The following ANK3 variants were observed in gnomAD, a reference collection of about 807,000 sequenced individuals.
The protein encoded by ANK3 is ankyrin-3.
ANK3 carries 57 observed loss-of-function variants against 370.9 expected under a neutral mutation model. The observed-to-expected ratio is 0.15, with a 90% CI of 0.12 to 0.19. The LOEUF is 0.19. Among genes scored for constraint, ANK3 ranks in the 10% least tolerant of loss-of-function variants. ANK3 has a pLI of 1.00. For synonymous variants in ANK3, 1,929 were observed against 1,946.3 expected (o/e 0.99, Z 0.23); for missense variants, 4,439 against 5,302.1 (o/e 0.84, Z 5.06).
At chr10:60,384,072 C>G (rs1274223657) in intron 1 of ANK3, among the ~76,000 whole-genome samples, 1 of 152,118 alleles carries the variant, frequency 6.6e-6, no homozygotes, top group African/African-American at 2.4e-5. Flanking sequence ...TGACCTCAGA[C>G]AAGGTATTTT....
chr10:60,604,290 C>T (rs900803737), intron 2 of ANK3, among the ~76,000 whole-genome samples: 6 of 152,230 alleles, frequency 3.9e-5, no homozygotes, highest in African/African-American at 1.4e-4. Flanking sequence ...TATAAGAATT[C>T]TTTTATTTGC....
intron 8 of ANK3, among the ~76,000 whole-genome samples, chr10:60,216,433 T>A (rs1235939602): frequency 6.6e-6 from 1 of 152,140 alleles, no homozygotes; most frequent in African/African-American, 2.4e-5. Context: ...TTTTGAGATA[T>A]GTTCCATCAA....
At chr10:60,709,275 ATATATCTATATCTATATCTATATC>A (rs60343604) in intron 1 of ANK3, among the ~76,000 whole-genome samples, 14,769 of 143,558 alleles carry the variant, frequency 0.1, 1,159 homozygotes, top group East Asian at 0.26. Flanking sequence ...AACCAATAGG[ATATATCTATATCTATATCTATATC>A]TATATCTATA....
At chr10:60,512,257 G>A (rs141955851) in intron 2 of ANK3, among the ~76,000 whole-genome samples, 5 of 152,138 alleles carry the variant, frequency 3.3e-5, no homozygotes, top group Non-Finnish European at 5.9e-5. Context: ...TGCATCAATG[G>A]TCTTAGTGCA....
At chr10:60,193,679 A>G (rs975113497) in intron 16 of ANK3, among the ~76,000 whole-genome samples, 20 of 151,604 alleles carry the variant, frequency 1.3e-4, no homozygotes, top group Non-Finnish European at 2.4e-4. Flanking sequence ...GAGAGATTGG[A>G]GTCATTTGCT....
intron 1 of ANK3, among the ~76,000 whole-genome samples, chr10:60,691,059 G>A (rs1020956176): frequency 5.9e-5 from 9 of 152,144 alleles, no homozygotes; most frequent in African/African-American, 2.2e-4. Context: ...TTGTGTATGT[G>A]TGTTTAATTC....
chr10:60,401,223 C>T lies in ANK3; in HGVS notation c.97-121584G>A, dbSNP rs550358359. ...GTGGAATGGCGGTTCTCAGGGGCTGCGGAGAGTGGGAAATGGAGGTTACTA... is the reference window on the plus strand; with the variant it reads ...GTGGAATGGCGGTTCTCAGGGGCTGTGGAGAGTGGGAAATGGAGGTTACTA... On this transcript the variant is annotated intron_variant, in intron 2 of 43. Coordinates refer to the ANK3 transcript ENST00000373827. Among the ~76,000 whole-genome samples the T allele has an allele frequency of 9.9e-5, 15 of 152,100 alleles. No homozygotes were observed. The South Asian group carries it at 1.0e-3, about 11-fold the overall frequency.
At chr10:60,146,227 C>T (rs966290268) in intron 23 of ANK3, among the ~76,000 whole-genome samples, 1 of 152,110 alleles carries the variant, frequency 6.6e-6, no homozygotes, top group African/African-American at 2.4e-5. Flanking sequence ...GATATTCTAC[C>T]TTACATGCCT....
At chr10:60,732,604 C>T (rs1016687571) in intron 1 of ANK3, among the ~76,000 whole-genome samples, 3 of 152,144 alleles carry the variant, frequency 2.0e-5, no homozygotes, top group Non-Finnish European at 4.4e-5. Context: ...CGATAGCCAC[C>T]CTGCTCTGCA....
At chr10:60,675,283 A>G (rs139736842) in intron 1 of ANK3, among the ~76,000 whole-genome samples, 337 of 152,338 alleles carry the variant, frequency 2.2e-3, no homozygotes, top group African/African-American at 4.4e-3. Flanking sequence ...TTATCCTATA[A>G]GGATCTAGGC....
intron 2 of ANK3, among the ~76,000 whole-genome samples, chr10:60,564,132 C>T (rs1036845447): frequency 6.6e-6 from 1 of 152,098 alleles, no homozygotes; most frequent in African/African-American, 2.4e-5. Context: ...GACATTGAAT[C>T]ATTTTGAATG....
At chr10:60,412,462 A>G (rs932417219) in intron 2 of ANK3, among the ~76,000 whole-genome samples, 6 of 152,142 alleles carry the variant, frequency 3.9e-5, no homozygotes, top group Non-Finnish European at 7.3e-5. Flanking sequence ...CTGGGACTAC[A>G]TTACACCACT....
chr10:60,438,129 T>G (rs2064204087), intron 2 of ANK3, among the ~76,000 whole-genome samples: 1 of 152,124 alleles, frequency 6.6e-6, no homozygotes, highest in African/African-American at 2.4e-5. Context: ...TACTCTCCAA[T>G]TCCTAAATTA....
chr10:60,470,185 T>A (rs746196389), intron 2 of ANK3, among the ~76,000 whole-genome samples: 1 of 152,110 alleles, frequency 6.6e-6, no homozygotes, highest in Admixed American at 6.6e-5. Flanking sequence ...CATTTGAGCA[T>A]TGAAGAACTT....
At chr10:60,686,951 T>TACAGTAAAAA (rs1436455970) in intron 1 of ANK3, among the ~76,000 whole-genome samples, 2 of 152,242 alleles carry the variant, frequency 1.3e-5, no homozygotes, top group African/African-American at 4.8e-5. Flanking sequence ...AGATTATAAA[T>TACAGTAAAAA]ATGCTATTTT....
At chr10:60,247,972 A>C in intron 7 of ANK3, among the ~76,000 whole-genome samples, 1 of 152,112 alleles carries the variant, frequency 6.6e-6, no homozygotes, top group South Asian at 2.1e-4. Context: ...TGGCCAGCAT[A>C]ATGTCTTAAG....
intron 2 of ANK3, among the ~76,000 whole-genome samples, chr10:60,524,809 A>T (rs1254332515): frequency 6.6e-6 from 1 of 152,060 alleles, no homozygotes; most frequent in African/African-American, 2.4e-5. Flanking sequence ...AACTCCCACG[A>T]CGACACATGT....
chr10:60,217,160 C>T (rs1436550319), intron 8 of ANK3, among the ~76,000 whole-genome samples: 1 of 151,824 alleles, frequency 6.6e-6, no homozygotes, highest in Non-Finnish European at 1.5e-5. Context: ...CTCTTTTCTT[C>T]TTTATTAGTT....
intron 7 of ANK3, among the ~76,000 whole-genome samples, chr10:60,249,514 T>C (rs1432472325): frequency 1.3e-5 from 2 of 152,242 alleles, no homozygotes; most frequent in African/African-American, 4.8e-5. Flanking sequence ...TGCAGGCTTC[T>C]GAGATATCAG....
Sources: allele counts gnomAD v4.1 joint callset (sites outside exome capture counted in the v4.1 genomes callset), GRCh38; gene constraint gnomAD v4.1.1; transcripts MANE v1.5; gene names NCBI Gene and HGNC (gene_info 2026-07-23, HGNC 2026-07-21).